Variants in CLMN observed in about 807,000 individuals in gnomAD.
CLMN encodes calmin (calponin-like, transmembrane).
Under a neutral mutation model 92.7 loss-of-function variants are expected in CLMN, and 57 were observed. That is an observed-to-expected ratio of 0.61 (90% CI 0.50 to 0.77). The LOEUF (loss-of-function observed/expected upper bound fraction) is 0.77. Ranked by LOEUF, CLMN falls within the 30% of genes least tolerant of loss-of-function variation. CLMN has a pLI of 0.00. For missense variants in CLMN, 1,158 were observed against 1,237.5 expected (o/e 0.94, Z 0.96); for synonymous variants, 466 against 470.6 (o/e 0.99, Z 0.13).
chr14:95,242,565 T>A (rs1898291918), intron 1 of CLMN, among the ~76,000 whole-genome samples: 1 of 145,186 alleles, frequency 6.9e-6, no homozygotes, highest in Non-Finnish European at 1.5e-5. Flanking sequence ...CAGCCTGGCA[T>A]CTCTTTTTCT....
chr14:95,271,588 T>G (rs1899712555), intron 1 of CLMN, among the ~76,000 whole-genome samples: 1 of 152,224 alleles, frequency 6.6e-6, no homozygotes, highest in Admixed American at 6.5e-5. Context: ...GCAGCAGGTT[T>G]AAATAAAGTA....
chr14:95,249,056 GA>G (rs1216283697), intron 1 of CLMN, among the ~76,000 whole-genome samples: 3 of 148,988 alleles, frequency 2.0e-5, no homozygotes, highest in Admixed American at 6.6e-5. Context: ...AATTACAACA[GA>G]AAAAAAGGCA....
chr14:95,227,482 C>T (rs906893797), intron 2 of CLMN, among the ~76,000 whole-genome samples: 5 of 152,184 alleles, frequency 3.3e-5, no homozygotes, highest in African/African-American at 4.8e-5. Flanking sequence ...AGGCAGAAAA[C>T]GCGAGACCCG....
chr14:95,308,677 C>T (rs1373220042), intron 1 of CLMN, among the ~76,000 whole-genome samples: 1 of 151,106 alleles, frequency 6.6e-6, no homozygotes, highest in East Asian at 2.0e-4. Flanking sequence ...CCCATGATCG[C>T]ATCAGTGCCC....
intron 2 of CLMN, among the ~76,000 whole-genome samples, chr14:95,224,939 C>T (rs886679607): frequency 2.0e-5 from 3 of 152,098 alleles, no homozygotes; most frequent in African/African-American, 7.2e-5. Flanking sequence ...GCTAGGAGAG[C>T]AGGTGGCTGG....
chr14:95,205,081 T>C (rs184577457), intron 8 of CLMN, among the ~76,000 whole-genome samples: 1 of 152,304 alleles, frequency 6.6e-6, no homozygotes, highest in African/African-American at 2.4e-5. Context: ...AATGCACCGA[T>C]AGTGTGAATT....
chr14:95,194,293 C>T lies in CLMN; in HGVS notation c.2769+243G>A, dbSNP rs1327301125. ...GGGTCCAGGTGAGGCGTTTTGGGTGCGTTTTTATAGCAAGGAGGCCTTTGG... is the reference window on the plus strand; with the variant it reads ...GGGTCCAGGTGAGGCGTTTTGGGTGTGTTTTTATAGCAAGGAGGCCTTTGG... On this transcript the variant is annotated intron_variant, in intron 11 of 12. Transcript: ENST00000298912. This position sits in a 1 kb window ranked among gnomAD's most constrained non-coding sequence, Gnocchi z 4.0. 4 of 1,408,718 alleles carry T rather than the reference C, an allele frequency of 2.8e-6. No individual in the cohort carries two copies. Among genetic ancestry groups the T allele is most frequent in the African/African-American group, 1.4e-5 (1 of 69,098 alleles). 87.3% of individuals were successfully genotyped at this position (1,408,718 alleles called of 1,614,324 possible).
At position 95,182,058 on chromosome 14, in the gene CLMN, T is replaced by A. The variant is rs576033729; in HGVS notation, c.*9506A>T. The A allele has an allele frequency of 4.6e-5, 7 of 152,318 alleles. No individual in the cohort carries two copies. Among genetic ancestry groups the A allele is most frequent in the Admixed American group, 2.6e-4 (4 of 15,300 alleles). The allele number at this position is 152,318 out of a possible 1,614,324, so 9.4% of individuals were successfully genotyped here. A position where few individuals can be genotyped will look rare whatever the true frequency, so the allele number is the denominator to read the frequency against. ...TAGAAAACAGTCAAATAACAAATAC[T>A]CCAGTTAATTCCCACAGGTATAAAT... is the stretch of plus-strand genomic sequence containing the variant. On this transcript the variant is annotated 3_prime_UTR_variant, in exon 13 of 13. Transcript: ENST00000298912.
intron 2 of CLMN, among the ~76,000 whole-genome samples, chr14:95,229,510 G>A (rs181410197): frequency 5.3e-4 from 81 of 152,270 alleles, no homozygotes; most frequent in African/African-American, 1.7e-3. Context: ...TTATGTCTCC[G>A]TGCCTCTGTT....
rs1027075170 is a variant in CLMN at position 95,202,957 on chromosome 14, G to C, written c.2392C>G (p.Leu798Val). Residue 798 changes from leucine (L) to valine (V), a missense_variant, in exon 9 of 13, where the codon CTG becomes GTG. By Grantham distance (32) the Leu-to-Val change is conservative. Coordinates refer to ENST00000298912, the MANE Select transcript of CLMN (RefSeq NM_024734.4). ...ESLPSASDQV[L>V]YLSRGGVGTT... The stretch of plus-strand genomic sequence containing the variant: ...CCCACACCACCCCTGCTGAGATACA[G>C]CACCTGGTCGCTGGCACTGGGGAGG... The C allele has an allele frequency of 2.5e-6, 4 of 1,614,056 alleles. No individual in the cohort carries two copies. In the African/African-American group the frequency reaches 5.3e-5, roughly 22 times the overall value.
intron 5 of CLMN, 115 bp from the exon 6 acceptor site, chr14:95,213,524 G>C: frequency 1.1e-6 from 1 of 940,588 alleles, no homozygotes; most frequent in Non-Finnish European, 1.6e-6. Context: ...AGGCAGGATT[G>C]CTTCTCTGAA....
chr14:95,281,428 A>G (rs1025440497), intron 1 of CLMN, among the ~76,000 whole-genome samples: 2 of 152,234 alleles, frequency 1.3e-5, no homozygotes, highest in Admixed American at 6.5e-5. Context: ...AAAAATGGGA[A>G]CTAGAGAAAG....
At chr14:95,308,717 A>G (rs1901393051) in intron 1 of CLMN, among the ~76,000 whole-genome samples, 1 of 152,170 alleles carries the variant, frequency 6.6e-6, no homozygotes, top group African/African-American at 2.4e-5. Flanking sequence ...CCCTGACTTG[A>G]TTTTTATATA....
chr14:95,191,581 C>T lies in CLMN; in HGVS notation c.2992G>A (p.Asp998Asn), dbSNP rs144887816. ...VYCLLLFPQL[D>N]VSRL is the part of the protein sequence containing the mutation. ...CACACGTATCAGAGCCTGCTAACAT[C>T]CAGTTGTGGGAAGAGCAGCAAGCAG... The change falls in exon 13 of 13, where the codon GAT (aspartate) becomes AAT (asparagine). Residue 998 changes from aspartate (D) to asparagine (N), a missense_variant. By Grantham distance (23) the Asp-to-Asn change is conservative. Transcript: ENST00000298912. The surrounding 1 kb of genome is among the most constrained non-coding windows in gnomAD (Gnocchi z 5.3). The T allele has an allele frequency of 3.1e-5, 50 of 1,612,888 alleles. No homozygotes were observed. The highest frequency in any genetic ancestry group is 4.2e-5 in the Non-Finnish European group (49 of 1,179,562).
At position 95,194,409 on chromosome 14, in the gene CLMN, G is replaced by C; in HGVS notation, c.2769+127C>G. 1 of 1,545,944 alleles carries C rather than the reference G, an allele frequency of 6.5e-7. No individual in the cohort carries two copies. Among genetic ancestry groups the C allele is most frequent in the East Asian group, 2.4e-5 (1 of 41,714 alleles). On this transcript the variant is annotated intron_variant, in intron 11 of 12. Coordinates refer to ENST00000298912, the MANE Select transcript of CLMN (RefSeq NM_024734.4). This position sits in a 1 kb window ranked among gnomAD's most constrained non-coding sequence, Gnocchi z 4.0. Reference sequence around the variant, plus strand: ...TTAATGATAAGGTTCCAATCTGCTTGTCTTCTATCCAAAAGTATAGCTGTT... The same window carrying C: ...TTAATGATAAGGTTCCAATCTGCTTCTCTTCTATCCAAAAGTATAGCTGTT...
At chr14:95,217,926 G>A (rs1383859499) in intron 4 of CLMN, among the ~76,000 whole-genome samples, 1 of 152,266 alleles carries the variant, frequency 6.6e-6, no homozygotes, top group Non-Finnish European at 1.5e-5. Context: ...GATGAGGGAA[G>A]GTGGTGACTG....
At position 95,294,133 on chromosome 14, in the gene CLMN, G is replaced by T. The variant is rs1042872672; in HGVS notation, c.82+25578C>A. 5.3e-5 allele frequency among the ~76,000 whole-genome samples: 8 copies of T among 152,192 alleles called. No individual in the cohort carries two copies. Among genetic ancestry groups the T allele is most frequent in the Non-Finnish European group, 8.8e-5 (6 of 68,040 alleles). ...ACAGCCAGGAGAGTGCGTGCAGTCA[G>T]CCTGCCTGCCAAAGAATGGGTGGGG... On this transcript the variant is annotated intron_variant, in intron 1 of 12. Transcript: ENST00000298912. This position sits in a 1 kb window ranked among gnomAD's most constrained non-coding sequence, Gnocchi z 4.2.
rs550978287 is a variant in CLMN, at chr14:95,187,233, A to G, written c.*4331T>C. Reference sequence around the variant, plus strand: ...TGGGGTTTATGGATCAAGATGGTATACTGAACACATGAGCCTGTTTCTTCC... The same window carrying G: ...TGGGGTTTATGGATCAAGATGGTATGCTGAACACATGAGCCTGTTTCTTCC... On this transcript the variant is annotated 3_prime_UTR_variant, in exon 13 of 13. Coordinates refer to ENST00000298912, the MANE Select transcript of CLMN (RefSeq NM_024734.4). The G allele has an allele frequency of 9.8e-5, 15 of 152,378 alleles. No individual in the cohort carries two copies. The East Asian group carries it at 2.9e-3, about 29-fold the overall frequency. The allele number at this position is 152,378 out of a possible 1,614,324, so 9.4% of individuals were successfully genotyped here.
At chr14:95,305,228 GAA>G (rs929906847) in intron 1 of CLMN, among the ~76,000 whole-genome samples, 1 of 152,126 alleles carries the variant, frequency 6.6e-6, no homozygotes. Context: ...TGAGGCCTTT[GAA>G]AAAGAGAGAG....
Sources: gnomAD v4.1 joint callset for allele counts (sites outside exome capture counted in the v4.1 genomes callset) on GRCh38, gnomAD v4.1.1 for gene constraint, Gnocchi (gnomAD v3.1) non-coding constraint, MANE v1.5 for transcripts, NCBI Gene and HGNC (gene_info 2026-07-23, HGNC 2026-07-21) for gene names.